NDUFA12: variants seen among roughly 807,000 people sequenced by gnomAD.
The protein encoded by NDUFA12 is NADH:ubiquinone oxidoreductase subunit A12.
NDUFA12 carries 17 observed loss-of-function variants against 20.3 expected under a neutral mutation model. That is an observed-to-expected ratio of 0.84 (90% CI 0.57 to 1.26). The LOEUF (loss-of-function observed/expected upper bound fraction) is 1.26, where lower values mean the gene tolerates loss of function less well. Among genes scored for constraint, NDUFA12 ranks in the 50% most tolerant of loss-of-function variants. The probability of loss-of-function intolerance (pLI) is 0.00; values close to 1 mark genes in which losing one functional copy is unlikely to be tolerated. For missense variants in NDUFA12, 191 were observed against 183.7 expected, an observed-to-expected ratio of 1.04 and a Z score of -0.23; for synonymous variants, 72 against 63.6, an observed-to-expected ratio of 1.13 and a Z score of -0.63.
chr12:94,995,483 A>T (rs2136070632), intron 2 of NDUFA12, among the ~76,000 whole-genome samples: 1 of 152,242 alleles, frequency 6.6e-6, no homozygotes, highest in Non-Finnish European at 1.5e-5. Context: ...GTATTTCTTG[A>T]AATGTTAAAT....
At chr12:94,995,279 T>A (rs891656609) in intron 2 of NDUFA12, among the ~76,000 whole-genome samples, 3 of 152,258 alleles carry the variant, frequency 2.0e-5, no homozygotes, top group Non-Finnish European at 4.4e-5. Context: ...CATTTACTGC[T>A]TCATTTAGAG....
chr12:95,003,663 G>A lies in NDUFA12; in HGVS notation c.18C>T (p.Val6=). 1 of 1,614,162 alleles carries A rather than the reference G, an allele frequency of 6.2e-7. No homozygotes were observed. The highest frequency in any genetic ancestry group is 8.5e-7 in the Non-Finnish European group (1 of 1,180,040). Residue 6 remains valine, a synonymous_variant, in exon 1 of 4, where the codon GTC becomes GTT. Transcript: ENST00000327772. MELVQ[V]LKRGLQQITG... is the part of the protein sequence containing the mutation. Reference sequence around the variant, plus strand: ...TGATCTGCTGCAGCCCGCGTTTCAGGACCTGCACTAACTCCATCTTGCCTC... The same window carrying A: ...TGATCTGCTGCAGCCCGCGTTTCAGAACCTGCACTAACTCCATCTTGCCTC...
chr12:94,998,326 TA>T (rs1874905849), intron 2 of NDUFA12, among the ~76,000 whole-genome samples: 1 of 152,062 alleles, frequency 6.6e-6, no homozygotes, highest in Non-Finnish European at 1.5e-5. Context: ...AGAAGGAACA[TA>T]CCTCAAAGTA....
intron 2 of NDUFA12, 64 bp from the exon 3 acceptor site, chr12:94,994,321 T>C (rs1874749222): frequency 8.3e-7 from 1 of 1,203,220 alleles, no homozygotes. Context: ...ATGCATAATA[T>C]CAAAGAAGAC....
intron 3 of NDUFA12, among the ~76,000 whole-genome samples, chr12:94,993,847 T>C (rs1874730292): frequency 6.6e-6 from 1 of 151,602 alleles, no homozygotes; most frequent in African/African-American, 2.4e-5. Flanking sequence ...GACAGGAGAA[T>C]CGCTTGAACC....
intron 3 of NDUFA12, among the ~76,000 whole-genome samples, chr12:94,981,921 G>A (rs763770487): frequency 6.6e-6 from 1 of 152,192 alleles, no homozygotes; most frequent in Non-Finnish European, 1.5e-5. Flanking sequence ...TAGATTCAAA[G>A]AAGTGAAGGC....
Position 94,971,735 on chromosome 12 carries a change from C to T in NDUFA12, c.258-115G>A, listed in dbSNP as rs367931449. The stretch of plus-strand genomic sequence containing the variant: ...GTTGCTTGGGTTCAAGCCTCAACTC[C>T]ATCAGTTACTAGCTGAATTCTTCTA... On this transcript the variant is annotated intron_variant, in intron 3 of 3. Coordinates refer to ENST00000327772, the MANE Select transcript of NDUFA12 (RefSeq NM_018838.5). 29 of 1,120,532 alleles carry T rather than the reference C, an allele frequency of 2.6e-5. 2 individuals carry two copies. The highest frequency in any genetic ancestry group is 2.1e-4 in the South Asian group (17 of 80,518). The allele number at this position is 1,120,532 out of a possible 1,614,324, so 69.4% of individuals were successfully genotyped here. A position where few individuals can be genotyped will look rare whatever the true frequency, so the allele number is the denominator to read the frequency against.
At chr12:94,972,463 A>T (rs762273954) in intron 3 of NDUFA12, 1 of 454,886 alleles carries the variant, frequency 2.2e-6, no homozygotes, top group South Asian at 1.6e-5. Flanking sequence ...TGGCTCATGA[A>T]GGTTTAGTTT....
chr12:94,997,550 A>G (rs1310141342), intron 2 of NDUFA12: 1 of 152,174 alleles, frequency 6.6e-6, no homozygotes, highest in Non-Finnish European at 1.5e-5. Context: ...TATTATTATA[A>G]AAGTAACAAA....
chr12:94,998,288 T>C (rs1874905056), intron 2 of NDUFA12, among the ~76,000 whole-genome samples: 1 of 152,156 alleles, frequency 6.6e-6, no homozygotes, highest in African/African-American at 2.4e-5. Context: ...CATTCCTGTA[T>C]GATAAAAACC....
chr12:94,976,847 T>C (rs7310973), intron 3 of NDUFA12, among the ~76,000 whole-genome samples: 83,227 of 152,058 alleles, frequency 0.55, 23,336 homozygotes, highest in African/African-American at 0.67. Flanking sequence ...ATTTCCACAT[T>C]CCACATATGG....
chr12:94,999,715 A>T (rs1322182528), intron 2 of NDUFA12, among the ~76,000 whole-genome samples: 2 of 152,208 alleles, frequency 1.3e-5, no homozygotes, highest in African/African-American at 4.8e-5. Flanking sequence ...CAACAAACCT[A>T]TGAAAAAAAT....
intron 3 of NDUFA12, among the ~76,000 whole-genome samples, chr12:94,987,292 G>A (rs1161745319): frequency 3.3e-5 from 5 of 152,084 alleles, no homozygotes; most frequent in Admixed American, 1.3e-4. Context: ...TTTCAAAAGC[G>A]TCAAGGTCAT....
intron 3 of NDUFA12, among the ~76,000 whole-genome samples, chr12:94,989,533 G>A (rs1299116803): frequency 6.6e-6 from 1 of 152,182 alleles, no homozygotes; most frequent in Non-Finnish European, 1.5e-5. Flanking sequence ...AAACAGCTAA[G>A]CTTGTTCAAC....
rs551592903 is a variant in NDUFA12, at chr12:94,996,380, C to T, written c.170-2123G>A. Among the ~76,000 whole-genome samples the T allele has an allele frequency of 6.1e-3, 910 of 149,328 alleles. 6 individuals are homozygous for T. The highest frequency in any genetic ancestry group is 6.7e-3 in the Non-Finnish European group (453 of 67,132). ...ACACGAGATGGGGGTCTCTATGTTG[C>T]CCAGGCTGGTCTTGAACTGCTGGCC... On this transcript the variant is annotated intron_variant, in intron 2 of 3. Coordinates refer to ENST00000327772, the MANE Select transcript of NDUFA12 (RefSeq NM_018838.5).
At chr12:94,987,359 A>G (rs1874479441) in intron 3 of NDUFA12, among the ~76,000 whole-genome samples, 1 of 152,212 alleles carries the variant, frequency 6.6e-6, no homozygotes, top group Admixed American at 6.5e-5. Context: ...AAAGAACTTG[A>G]GATCCATATG....
chr12:94,971,429 C>T lies in NDUFA12; in HGVS notation c.*11G>A. 1 of 1,613,294 alleles carries T rather than the reference C, an allele frequency of 6.2e-7. No individual in the cohort carries two copies. The highest frequency in any genetic ancestry group is 8.5e-7 in the Non-Finnish European group (1 of 1,179,248). On this transcript the variant is annotated 3_prime_UTR_variant, in exon 4 of 4. Coordinates refer to ENST00000327772, the MANE Select transcript of NDUFA12 (RefSeq NM_018838.5). ...CCATATTTTGCATGTTTCAACTGTT[C>T]TTCATTGTCTTTACTTGTAAGGTGT... is the stretch of plus-strand genomic sequence containing the variant.
intron 3 of NDUFA12, among the ~76,000 whole-genome samples, chr12:94,973,587 C>G (rs1179418128): frequency 6.6e-6 from 1 of 152,138 alleles, no homozygotes; most frequent in East Asian, 1.9e-4. Flanking sequence ...AAATTGCTGT[C>G]AAGACTCCGG....
intron 2 of NDUFA12, among the ~76,000 whole-genome samples, chr12:95,001,578 T>C (rs761350328): frequency 6.6e-6 from 1 of 152,148 alleles, no homozygotes; most frequent in Non-Finnish European, 1.5e-5. Context: ...TAGTGAGCCA[T>C]GATCGAGTCA....
Sources: allele counts gnomAD v4.1 joint callset (sites outside exome capture counted in the v4.1 genomes callset), GRCh38; gene constraint gnomAD v4.1.1; transcripts MANE v1.5; gene names NCBI Gene and HGNC (gene_info 2026-07-23, HGNC 2026-07-21).